NAALADL2: variants seen among roughly 807,000 people sequenced by gnomAD.
NAALADL2 encodes the protein inactive N-acetylated-alpha-linked acidic dipeptidase-like protein 2.
NAALADL2 carries 76 observed loss-of-function variants against 87.2 expected under a neutral mutation model. The ratio of observed to expected loss-of-function variants is 0.87; its 90% CI spans 0.72 to 1.05. The LOEUF is 1.05. Among genes scored for constraint, NAALADL2 ranks in the 50% least tolerant of loss-of-function variants. The pLI is 0.00. For synonymous variants in NAALADL2, 354 were observed against 331.0 expected, an observed-to-expected ratio of 1.07 and a Z score of -0.75; for missense variants, 1,089 against 945.8, an observed-to-expected ratio of 1.15 and a Z score of -1.99.
intron 2 of NAALADL2, among the ~76,000 whole-genome samples, chr3:174,603,805 T>TA (rs1166614450): frequency 4.6e-5 from 7 of 152,074 alleles, no homozygotes; most frequent in Admixed American, 1.3e-4. Flanking sequence ...AAGAATTTTT[T>TA]AAAAATTTTT....
At position 175,620,084 on chromosome 3, in the gene NAALADL2, A is replaced by AT. The variant is rs563991092; in HGVS notation, c.1801-7207_1801-7206insT. ...TTTTATCTCTTTTTGGAAAAAAAAA[A>AT]AAATTGGAATTAAAAAGTAATAGGT... On this transcript the variant is annotated intron_variant, in intron 10 of 13. Transcript: ENST00000454872. Among the ~76,000 whole-genome samples the AT allele has an allele frequency of 6.9e-4, 104 of 151,764 alleles. 3 individuals are homozygous for AT. In the South Asian group the frequency reaches 0.021, roughly 31 times the overall value.
At chr3:175,180,364 A>G (rs1410733498) in intron 2 of NAALADL2, among the ~76,000 whole-genome samples, 4 of 152,044 alleles carry the variant, frequency 2.6e-5, no homozygotes, top group Admixed American at 6.6e-5. Flanking sequence ...TATTCATGTT[A>G]TAACTGTAAA....
At chr3:175,141,657 T>C (rs1008748489) in intron 2 of NAALADL2, among the ~76,000 whole-genome samples, 1 of 152,096 alleles carries the variant, frequency 6.6e-6, no homozygotes, top group East Asian at 1.9e-4. Flanking sequence ...TCAGTTTAGA[T>C]TGGGTAGAAG....
intron 2 of NAALADL2, among the ~76,000 whole-genome samples, chr3:174,590,290 C>T (rs1717219232): frequency 6.6e-6 from 1 of 151,912 alleles, no homozygotes; most frequent in Non-Finnish European, 1.5e-5. Flanking sequence ...TTATTTGAAC[C>T]ATATAGAAGT....
intron 2 of NAALADL2, among the ~76,000 whole-genome samples, chr3:174,562,993 C>CT (rs1377331369): frequency 8.6e-5 from 13 of 151,970 alleles, no homozygotes; most frequent in Non-Finnish European, 1.6e-4. Flanking sequence ...GTAATAAATA[C>CT]TTTAAGATGT....
chr3:175,119,887 CAT>C (rs10688417), intron 2 of NAALADL2, among the ~76,000 whole-genome samples: 7,266 of 143,076 alleles, frequency 0.051, 515 homozygotes, highest in African/African-American at 0.16. Flanking sequence ...TATATATATA[CAT>C]ATATATATAT....
At chr3:174,877,269 G>A (rs1351504168) in intron 1 of NAALADL2, among the ~76,000 whole-genome samples, 1 of 152,068 alleles carries the variant, frequency 6.6e-6, no homozygotes, top group Non-Finnish European at 1.5e-5. Context: ...AGATATCTAT[G>A]CACCAAACTT....
chr3:175,563,527 G>T (rs1716622771), intron 9 of NAALADL2, among the ~76,000 whole-genome samples: 1 of 152,160 alleles, frequency 6.6e-6, no homozygotes, highest in African/African-American at 2.4e-5. Flanking sequence ...GATGGTGTTT[G>T]TATAGTTCTA....
chr3:174,658,733 G>A (rs998699894), intron 2 of NAALADL2, among the ~76,000 whole-genome samples: 1 of 152,110 alleles, frequency 6.6e-6, no homozygotes, highest in Non-Finnish European at 1.5e-5. Context: ...TTTTCAATAA[G>A]TATAGACTAA....
At chr3:174,893,552 G>C (rs1470613303) in intron 1 of NAALADL2, among the ~76,000 whole-genome samples, 2 of 152,136 alleles carry the variant, frequency 1.3e-5, no homozygotes, top group Non-Finnish European at 2.9e-5. Flanking sequence ...GTTAAAAAGG[G>C]TGTTGCATGT....
intron 2 of NAALADL2, among the ~76,000 whole-genome samples, chr3:175,130,128 G>A (rs1025388269): frequency 1.3e-5 from 2 of 151,942 alleles, no homozygotes; most frequent in Non-Finnish European, 2.9e-5. Context: ...GTCTATTAAG[G>A]TTTCTTCCCC....
intron 1 of NAALADL2, among the ~76,000 whole-genome samples, chr3:174,980,471 A>G (rs9831407): frequency 0.11 from 16,768 of 152,136 alleles, 2,283 homozygotes; most frequent in African/African-American, 0.32. Flanking sequence ...GTGAATACCC[A>G]TTGCACTGCA....
chr3:175,058,328 A>T (rs1414753013), intron 1 of NAALADL2, among the ~76,000 whole-genome samples: 2 of 152,204 alleles, frequency 1.3e-5, no homozygotes, highest in Non-Finnish European at 2.9e-5. Context: ...TGATTAAGTC[A>T]TTTAATTTAT....
chr3:174,830,551 C>T (rs1722556926), intron 3 of NAALADL2, among the ~76,000 whole-genome samples: 1 of 151,358 alleles, frequency 6.6e-6, no homozygotes, highest in African/African-American at 2.4e-5. Flanking sequence ...TAGTGTGATG[C>T]CTCCAGCTTT....
chr3:174,462,206 G>A (rs1716259828), intron 1 of NAALADL2, among the ~76,000 whole-genome samples: 1 of 151,754 alleles, frequency 6.6e-6, no homozygotes, highest in Non-Finnish European at 1.5e-5. Flanking sequence ...CTTTTTCAAT[G>A]TTATCCCGTA....
intron 1 of NAALADL2, among the ~76,000 whole-genome samples, chr3:174,956,531 T>G: frequency 6.6e-6 from 1 of 152,226 alleles, no homozygotes; most frequent in African/African-American, 2.4e-5. Context: ...TATATAGGGT[T>G]TAGTGAGATA....
At chr3:175,718,942 A>G (rs2150027045) in intron 11 of NAALADL2, among the ~76,000 whole-genome samples, 1 of 152,230 alleles carries the variant, frequency 6.6e-6, no homozygotes, top group South Asian at 2.1e-4. Context: ...TGTAAACCTA[A>G]TTTTGTACCA....
intron 9 of NAALADL2, among the ~76,000 whole-genome samples, chr3:175,487,055 TTCTC>T (rs1727381517): frequency 6.6e-6 from 1 of 152,188 alleles, no homozygotes; most frequent in Non-Finnish European, 1.5e-5. Flanking sequence ...TCTGTGCCCT[TTCTC>T]TCATTTCACT....
In NAALADL2 at chr3:175,467,168, C is replaced by A; in HGVS notation, c.1517C>A (p.Ser506Ter). 1 of 1,613,478 alleles carries A rather than the reference C, an allele frequency of 6.2e-7. No homozygotes were observed. Among genetic ancestry groups the A allele is most frequent in the Non-Finnish European group, 8.5e-7 (1 of 1,179,548 alleles). The change falls in exon 8 of 14, where the codon TCA (serine) becomes TAA (stop). Residue 506 changes from serine to a stop codon, truncating the protein, a stop_gained. Coordinates refer to ENST00000454872, the MANE Select transcript of NAALADL2 (RefSeq NM_207015.3). LOFTEE classifies it high-confidence loss of function. Reference protein sequence around the residue: ...WGGTAFGNIGSYEWGEDFKKV... With the variant: ...WGGTAFGNIG Reference sequence around the variant, plus strand: ...GGAACAGCTTTTGGCAATATTGGCTCATATGAATGGGGAGAGGTAAAGCAA... The same window carrying A: ...GGAACAGCTTTTGGCAATATTGGCTAATATGAATGGGGAGAGGTAAAGCAA...
Sources: allele counts gnomAD v4.1 joint callset (sites outside exome capture counted in the v4.1 genomes callset), GRCh38; gene constraint gnomAD v4.1.1; transcripts MANE v1.5; gene names NCBI Gene and HGNC (gene_info 2026-07-23, HGNC 2026-07-21).